Variants in CHIC1 observed in about 807,000 individuals in gnomAD.
CHIC1 encodes the protein cysteine rich hydrophobic domain 1, also known as cysteine-rich hydrophobic domain-containing protein 1.
A neutral mutation model predicts 18.5 loss-of-function variants in CHIC1; 7 were observed. The ratio of observed to expected loss-of-function variants is 0.38; its 90% CI spans 0.22 to 0.71. The LOEUF is 0.71. Among genes scored for constraint, CHIC1 ranks in the 30% least tolerant of loss-of-function variants. The pLI is 0.49. For synonymous variants in CHIC1, 77 were observed against 73.5 expected, an observed-to-expected ratio of 1.05 and a Z score of -0.25; for missense variants, 159 against 176.9, an observed-to-expected ratio of 0.90 and a Z score of 0.57.
chrX:73,647,638 C>T (rs141059971), intron 3 of CHIC1, among the ~76,000 whole-genome samples: 3,334 of 112,401 alleles, frequency 0.03, 56 homozygotes, highest in Non-Finnish European at 0.046. Context: ...CTGACCCATC[C>T]CTCCTCACTG....
At chrX:73,672,220 T>A (rs763048441) in intron 3 of CHIC1, among the ~76,000 whole-genome samples, 2 of 111,857 alleles carry the variant, frequency 1.8e-5, no homozygotes, top group African/African-American at 3.3e-5. Flanking sequence ...ATAGTGCCAC[T>A]ATAAACATAC....
intron 3 of CHIC1, among the ~76,000 whole-genome samples, chrX:73,588,758 T>C (rs1017061579): frequency 1.8e-5 from 2 of 110,884 alleles, no homozygotes; most frequent in Non-Finnish European, 3.8e-5. Context: ...ATTTACTTGT[T>C]ATAGGTCTAT....
At chrX:73,656,601 A>G (rs1187344073) in intron 3 of CHIC1, among the ~76,000 whole-genome samples, 1 of 111,586 alleles carries the variant, frequency 9.0e-6, no homozygotes. Flanking sequence ...GTCAAACATC[A>G]GTTGGTTGTA....
At chrX:73,649,552 GAT>G (rs2057905467) in intron 3 of CHIC1, among the ~76,000 whole-genome samples, 2 of 111,492 alleles carry the variant, frequency 1.8e-5, no homozygotes, top group Admixed American at 1.9e-4. Context: ...CCTAGTCTCT[GAT>G]AAAACAAACT....
intron 3 of CHIC1, among the ~76,000 whole-genome samples, chrX:73,618,590 T>C (rs1187725551): frequency 8.9e-6 from 1 of 111,772 alleles, no homozygotes; most frequent in Non-Finnish European, 1.9e-5. Context: ...CCAGCTCCCA[T>C]GCAGCCCAAA....
At chrX:73,589,288 C>T (rs2057569121) in intron 3 of CHIC1, among the ~76,000 whole-genome samples, 1 of 110,834 alleles carries the variant, frequency 9.0e-6, no homozygotes, top group South Asian at 3.7e-4. Flanking sequence ...AGGACTTCCA[C>T]TATTTTGCTA....
intron 3 of CHIC1, among the ~76,000 whole-genome samples, chrX:73,598,541 C>G (rs2057623739): frequency 1.1e-5 from 1 of 93,367 alleles, no homozygotes; most frequent in South Asian, 5.6e-4. Flanking sequence ...TCCATGTAAT[C>G]TCATTGTTCA....
chrX:73,595,337 C>T (rs906391423), intron 3 of CHIC1, among the ~76,000 whole-genome samples: 3 of 110,519 alleles, frequency 2.7e-5, no homozygotes, highest in Non-Finnish European at 3.8e-5. Context: ...CCCCACCCTC[C>T]GACAGGCCCC....
intron 3 of CHIC1, among the ~76,000 whole-genome samples, chrX:73,677,659 A>C (rs1045349088): frequency 8.9e-6 from 1 of 112,278 alleles, no homozygotes; most frequent in African/African-American, 3.2e-5. Context: ...TGACTAGGAA[A>C]GGGAATTCCC....
chrX:73,621,429 A>G (rs931870106), intron 3 of CHIC1, among the ~76,000 whole-genome samples: 1 of 111,408 alleles, frequency 9.0e-6, no homozygotes, highest in Non-Finnish European at 1.9e-5. Context: ...TGTAAGTTGT[A>G]TTTGTAGGTA....
Position 73,563,347 on chromosome X carries a change from G to A in CHIC1, c.63G>A (p.Glu21=), listed in dbSNP as rs762253564. 8.7e-6 allele frequency: 10 copies of A among 1,150,200 alleles called. No homozygotes were observed. In the African/African-American group the frequency reaches 1.8e-4, roughly 21 times the overall value. 94.8% of individuals were successfully genotyped at this position (1,150,200 alleles called of 1,213,427 possible). A position where few individuals can be genotyped will look rare whatever the true frequency, so the allele number is the denominator to read the frequency against. Residue 21 remains glutamate (E), a synonymous_variant, in exon 1 of 6, where the codon GAG becomes GAA. Transcript: ENST00000373502. The part of the protein sequence containing the change: ...FDTISELEEE[E]EEEAATSSSS... ...CCATCTCGGAACTGGAGGAGGAGGA[G>A]GAAGAAGAAGCGGCAACGTCGTCGT...
chrX:73,566,028 G>T (rs1186090031), intron 1 of CHIC1, among the ~76,000 whole-genome samples: 2 of 110,528 alleles, frequency 1.8e-5, no homozygotes, highest in Non-Finnish European at 3.8e-5. Flanking sequence ...TTCTTTCCTT[G>T]ATGCCACCAT....
intron 3 of CHIC1, among the ~76,000 whole-genome samples, chrX:73,671,378 G>A (rs778284548): frequency 5.0e-4 from 56 of 111,935 alleles, no homozygotes; most frequent in Middle Eastern, 4.6e-3. Flanking sequence ...CATTGAATAC[G>A]ATTTTTATCC....
chrX:73,642,780 C>T, intron 3 of CHIC1, among the ~76,000 whole-genome samples: 1 of 109,355 alleles, frequency 9.1e-6, no homozygotes, highest in East Asian at 2.8e-4. Flanking sequence ...AATAGGGAAT[C>T]CTTTCCCCAT....
At chrX:73,655,357 C>T (rs945442812) in intron 3 of CHIC1, among the ~76,000 whole-genome samples, 47 of 100,549 alleles carry the variant, frequency 4.7e-4, no homozygotes, top group African/African-American at 1.6e-3. Flanking sequence ...CACATACAAA[C>T]ACTATATACA....
chrX:73,673,019 G>T (rs2058040353), intron 3 of CHIC1, among the ~76,000 whole-genome samples: 1 of 111,849 alleles, frequency 8.9e-6, no homozygotes, highest in African/African-American at 3.3e-5. Context: ...TTATTAAATA[G>T]GAAATCCTTT....
chrX:73,675,294 T>G (rs1258776461), intron 3 of CHIC1, among the ~76,000 whole-genome samples: 1 of 111,460 alleles, frequency 9.0e-6, no homozygotes, highest in Non-Finnish European at 1.9e-5. Context: ...GTTGTTAACT[T>G]TCTGTCTCGT....
chrX:73,644,097 C>A (rs1054207583), intron 3 of CHIC1, among the ~76,000 whole-genome samples: 5 of 112,518 alleles, frequency 4.4e-5, no homozygotes, highest in African/African-American at 9.7e-5. Flanking sequence ...ACAGGACTCT[C>A]AGCTGCAGGT....
chrX:73,589,168 G>A (rs773085000), intron 3 of CHIC1, among the ~76,000 whole-genome samples: 117 of 109,926 alleles, frequency 1.1e-3, no homozygotes, highest in African/African-American at 3.0e-3. Context: ...GGCATTTACC[G>A]CCCTCAGTTT....
Sources: gnomAD v4.1 joint callset for allele counts (sites outside exome capture counted in the v4.1 genomes callset) on GRCh38, gnomAD v4.1.1 for gene constraint, MANE v1.5 for transcripts, NCBI Gene and HGNC (gene_info 2026-07-23, HGNC 2026-07-21) for gene names.